The following HIVEP3 variants were observed in gnomAD, a reference collection of about 807,000 sequenced individuals.
HIVEP3 encodes transcription factor HIVEP3.
A neutral mutation model predicts 152.8 loss-of-function variants in HIVEP3; 49 were observed. The observed-to-expected ratio is 0.32, with a 90% CI of 0.26 to 0.41. The LOEUF is 0.41. Among genes scored for constraint, HIVEP3 ranks in the 10% least tolerant of loss-of-function variants. The pLI is 1.00. For missense variants in HIVEP3, 2,790 were observed against 3,103.3 expected (o/e 0.90, Z 2.40); for synonymous variants, 1,269 against 1,289.0 (o/e 0.98, Z 0.33).
intron 1 of HIVEP3, among the ~76,000 whole-genome samples, chr1:41,952,787 T>C (rs1265067796): frequency 6.6e-6 from 1 of 152,182 alleles, no homozygotes; most frequent in Non-Finnish European, 1.5e-5. Context: ...AAAATCCTAT[T>C]ATTCATATTA....
At chr1:41,545,362 TCAC>T (rs1197788634) in intron 5 of HIVEP3, among the ~76,000 whole-genome samples, 1 of 12,460 alleles carries the variant, frequency 8.0e-5, no homozygotes, top group African/African-American at 2.9e-4. Context: ...ATCGCCACCA[TCAC>T]CACCACCACC....
At chr1:41,696,839 A>T (rs577013131) in intron 2 of HIVEP3, among the ~76,000 whole-genome samples, 1 of 152,256 alleles carries the variant, frequency 6.6e-6, no homozygotes, top group Non-Finnish European at 1.5e-5. Context: ...ATAGTAGGTG[A>T]ATTTTTTTTC....
At chr1:41,811,044 T>C (rs1650927271) in intron 1 of HIVEP3, among the ~76,000 whole-genome samples, 1 of 152,244 alleles carries the variant, frequency 6.6e-6, no homozygotes, top group African/African-American at 2.4e-5. Context: ...GGCACTATGA[T>C]TGTTTATTGA....
chr1:41,995,610 T>C (rs1645391422), intron 1 of HIVEP3, among the ~76,000 whole-genome samples: 1 of 152,192 alleles, frequency 6.6e-6, no homozygotes, highest in Non-Finnish European at 1.5e-5. Flanking sequence ...AAATTAACAC[T>C]ATTTGCATAA....
At chr1:41,764,938 G>A (rs1403336028) in intron 1 of HIVEP3, among the ~76,000 whole-genome samples, 4 of 152,208 alleles carry the variant, frequency 2.6e-5, no homozygotes, top group Admixed American at 6.5e-5. Flanking sequence ...ATCATCACAG[G>A]TGGGGGTGGC....
chr1:41,976,738 A>G (rs896214530), intron 1 of HIVEP3, among the ~76,000 whole-genome samples: 1 of 152,182 alleles, frequency 6.6e-6, no homozygotes, highest in Non-Finnish European at 1.5e-5. Flanking sequence ...CTAATCCAAT[A>G]TGACTGATGT....
intron 1 of HIVEP3, among the ~76,000 whole-genome samples, chr1:41,883,692 T>G (rs1022955797): frequency 2.6e-5 from 4 of 152,138 alleles, no homozygotes; most frequent in Non-Finnish European, 5.9e-5. Context: ...GGGTGCAGAA[T>G]GTGATAGCAA....
intron 6 of HIVEP3, among the ~76,000 whole-genome samples, chr1:41,522,596 C>T (rs575443179): frequency 4.6e-5 from 7 of 152,318 alleles, no homozygotes; most frequent in African/African-American, 7.2e-5. Context: ...GTTCAGATTA[C>T]GCCCTCTGGA....
chr1:41,923,621 C>A (rs1644952449), upstream of HIVEP3, among the ~76,000 whole-genome samples: 1 of 151,996 alleles, frequency 6.6e-6, no homozygotes, highest in Non-Finnish European at 1.5e-5. Flanking sequence ...CTGTATATTT[C>A]AAAATAGCTA....
intron 3 of HIVEP3, among the ~76,000 whole-genome samples, chr1:41,617,289 A>G (rs941237579): frequency 1.3e-5 from 2 of 152,220 alleles, no homozygotes; most frequent in African/African-American, 4.8e-5. Context: ...AAGTGGAAAC[A>G]TGGATCAATG....
chr1:41,669,391 G>A (rs1645841966), intron 2 of HIVEP3, among the ~76,000 whole-genome samples: 1 of 152,176 alleles, frequency 6.6e-6, no homozygotes, highest in Non-Finnish European at 1.5e-5. Flanking sequence ...AATTCCATGT[G>A]CCATCTCGAC....
chr1:41,775,805 G>A (rs919627876), intron 1 of HIVEP3, among the ~76,000 whole-genome samples: 3 of 152,136 alleles, frequency 2.0e-5, no homozygotes, highest in African/African-American at 4.8e-5. Context: ...TGATACCTGA[G>A]CTTCCAACAT....
intron 2 of HIVEP3, among the ~76,000 whole-genome samples, chr1:41,670,121 C>T (rs1431466567): frequency 2.0e-5 from 3 of 152,188 alleles, no homozygotes; most frequent in Admixed American, 2.0e-4. Flanking sequence ...GGTCCTGGCA[C>T]CCAGTAGGTG....
At chr1:41,741,969 A>T (rs1558229542) in intron 1 of HIVEP3, among the ~76,000 whole-genome samples, 1 of 152,264 alleles carries the variant, frequency 6.6e-6, no homozygotes, top group Non-Finnish European at 1.5e-5. Flanking sequence ...TTGATTGTCC[A>T]ATGAAATGAA....
rs575396288 is a variant in HIVEP3 at position 41,785,709 on chromosome 1, T to C, written c.-800-84714A>G. Among the ~76,000 whole-genome samples the C allele has an allele frequency of 3.1e-3, 470 of 152,310 alleles. 2 individuals are homozygous for C. The highest frequency in any genetic ancestry group is 5.5e-3 in the Non-Finnish European group (376 of 68,014). On this transcript the variant is annotated intron_variant, in intron 1 of 8. Transcript: ENST00000372583. ...TTATATATGAACATAGAAAAATTCT[T>C]CTCTGGGCTGGGTGCACTAGCTCAC...
chr1:41,669,128 T>G (rs1293971327), intron 2 of HIVEP3, among the ~76,000 whole-genome samples: 1 of 152,130 alleles, frequency 6.6e-6, no homozygotes, highest in Admixed American at 6.5e-5. Flanking sequence ...TCTTGCAACT[T>G]GCTCCTCAAA....
At chr1:41,994,456 G>A (rs936068736) in intron 1 of HIVEP3, among the ~76,000 whole-genome samples, 2 of 152,262 alleles carry the variant, frequency 1.3e-5, no homozygotes, top group South Asian at 4.2e-4. Context: ...CTGATGGTAG[G>A]TAATTGGATC....
chr1:41,738,701 CTG>C (rs1220660310), intron 1 of HIVEP3, among the ~76,000 whole-genome samples: 3 of 152,210 alleles, frequency 2.0e-5, no homozygotes, highest in Admixed American at 1.3e-4. Flanking sequence ...TGCTGTGTAA[CTG>C]TGCTGTTTTG....
At chr1:41,753,533 T>C (rs1449172563) in intron 1 of HIVEP3, among the ~76,000 whole-genome samples, 1 of 152,002 alleles carries the variant, frequency 6.6e-6, no homozygotes, top group Non-Finnish European at 1.5e-5. Context: ...CCGGGTGTGG[T>C]GGCATGTGCC....
Sources: allele counts gnomAD v4.1 joint callset (sites outside exome capture counted in the v4.1 genomes callset), GRCh38; gene constraint gnomAD v4.1.1; transcripts MANE v1.5; gene names NCBI Gene and HGNC (gene_info 2026-07-23, HGNC 2026-07-21).